AHNAK2: variants seen among roughly 807,000 people sequenced by gnomAD.
AHNAK2 encodes the protein protein AHNAK2.
Under a neutral mutation model 30.7 loss-of-function variants are expected in AHNAK2, and 18 were observed. The ratio of observed to expected loss-of-function variants is 0.59; its 90% confidence interval spans 0.41 to 0.87. The LOEUF (loss-of-function observed/expected upper bound fraction) is 0.87, where lower values mean the gene tolerates loss of function less well. AHNAK2 is among the 40% of genes least tolerant of loss of function. The probability of loss-of-function intolerance (pLI) is 0.00; values close to 1 mark genes in which losing one functional copy is unlikely to be tolerated. For missense variants in AHNAK2, 8,604 were observed against 7,373.0 expected (o/e 1.17, Z -6.11); for synonymous variants, 3,590 against 3,073.8 (o/e 1.17, Z -5.56).
Position 104,949,759 on chromosome 14 carries a change from C to T in AHNAK2, c.5692G>A (p.Glu1898Lys), listed in dbSNP as rs765079250. The T allele has an allele frequency of 2.0e-5, 31 of 1,587,650 alleles. 2 individuals carry two copies. The highest frequency in any genetic ancestry group is 1.7e-4 in the Middle Eastern group (1 of 6,044). The change falls in exon 7 of 7, where the codon GAG becomes AAG. Residue 1898 changes from glutamate to lysine, a missense_variant. By Grantham distance (56) the Glu-to-Lys change is moderately conservative. Transcript: ENST00000333244. ...AAGTGCCCTTTGAGGCCGGCTCCCT[C>T]GGGCACCTGGCCCTCCGGGAGCTTC... ...DMKLPEGQVPEGAGLKGHLPK... is the reference protein window; with the variant it reads ...DMKLPEGQVPKGAGLKGHLPK...
Position 104,943,540 on chromosome 14 carries a change from GCATT to G in AHNAK2, c.11907_11910del (p.Lys3969AsnfsTer24). On this transcript the variant is annotated frameshift_variant, in exon 7 of 7. Coordinates refer to ENST00000333244, the MANE Select transcript of AHNAK2 (RefSeq NM_138420.4). LOFTEE classifies it low-confidence loss of function (END_TRUNC). ...CCGAACGACGGCATCTTGAACTTGG[GCATT>G]TTGAACTTGCTGTCTTTGGCCGTCA... is the stretch of plus-strand genomic sequence containing the variant. 6.2e-7 allele frequency: 1 copy of G among 1,612,930 alleles called. No homozygotes were observed. Among genetic ancestry groups the G allele is most frequent in the Non-Finnish European group, 8.5e-7 (1 of 1,179,518 alleles).
intron 1 of AHNAK2, among the ~76,000 whole-genome samples, chr14:104,960,401 A>T (rs192971058): frequency 2.6e-5 from 4 of 152,308 alleles, no homozygotes; most frequent in South Asian, 2.1e-4. Flanking sequence ...TAGCATTTAC[A>T]TTGCATTAGG....
At chr14:104,968,977 C>T (rs1468593783) in intron 1 of AHNAK2, among the ~76,000 whole-genome samples, 2 of 152,210 alleles carry the variant, frequency 1.3e-5, no homozygotes, top group South Asian at 2.1e-4. Context: ...ACACAGCCGG[C>T]CGCACTTGGG....
rs1157087199 is a variant in AHNAK2 at position 104,950,437 on chromosome 14, C to T, written c.5014G>A (p.Ala1672Thr). The change falls in exon 7 of 7, where the codon GCC (alanine) becomes ACC (threonine). Residue 1672 changes from alanine to threonine, a missense_variant. Transcript: ENST00000333244. Reference sequence around the variant, plus strand: ...GAGGCCTCGATGGACTTGCCTGGGGCCGACACCCCAAATGATGGCATCTTG... The same window carrying T: ...GAGGCCTCGATGGACTTGCCTGGGGTCGACACCCCAAATGATGGCATCTTG... Reference protein sequence around the residue: ...KFKMPSFGVSAPGKSIEASVD... With the variant: ...KFKMPSFGVSTPGKSIEASVD... The T allele has an allele frequency of 1.3e-6, 2 of 1,586,698 alleles. No individual in the cohort carries two copies. Among genetic ancestry groups the T allele is most frequent in the Non-Finnish European group, 1.7e-6 (2 of 1,163,042 alleles).
At chr14:104,964,970 C>T (rs972392498) in intron 1 of AHNAK2, among the ~76,000 whole-genome samples, 1 of 152,212 alleles carries the variant, frequency 6.6e-6, no homozygotes, top group Non-Finnish European at 1.5e-5. Context: ...TTGTCCAACC[C>T]ACGGCCCACA....
intron 1 of AHNAK2, among the ~76,000 whole-genome samples, chr14:104,958,128 T>C (rs1030544968): frequency 3.9e-5 from 6 of 152,210 alleles, no homozygotes; most frequent in Admixed American, 2.0e-4. Flanking sequence ...AATGCTGGGT[T>C]TAATACAGAC....
chr14:104,970,274 C>T lies in AHNAK2; in HGVS notation c.55+7909G>A, dbSNP rs531497194. Among the ~76,000 whole-genome samples the T allele has an allele frequency of 7.4e-4, 113 of 152,278 alleles. 1 individual carries two copies. Among genetic ancestry groups the T allele is most frequent in the East Asian group, 5.0e-3 (26 of 5,164 alleles). ...TTCTCCCTGACATCCCTGCCCAGCC[C>T]GCTGGCCCTGGCTGGAGCCACGGTG... On this transcript the variant is annotated intron_variant, in intron 1 of 6. Coordinates refer to ENST00000333244, the MANE Select transcript of AHNAK2 (RefSeq NM_138420.4).
rs377311763 is a variant in AHNAK2 at position 104,950,610 on chromosome 14, G to A, written c.4841C>T (p.Ala1614Val). 75 of 1,586,974 alleles carry A rather than the reference G, an allele frequency of 4.7e-5. 7 individuals are homozygous for A. The African/African-American group carries it at 6.6e-4, about 14-fold the overall frequency. Reference sequence around the variant, plus strand: ...GGACAGAGACATCTTCACATCGGGGGCTGTCACTTCCACCTTGGGGCCTTT... The same window carrying A: ...GGACAGAGACATCTTCACATCGGGGACTGTCACTTCCACCTTGGGGCCTTT... Reference protein sequence around the residue: ...DLKGPKVEVTAPDVKMSLSSM... With the variant: ...DLKGPKVEVTVPDVKMSLSSM... The change falls in exon 7 of 7, where the codon GCC becomes GTC. Residue 1614 changes from alanine (A) to valine (V), a missense_variant. Transcript: ENST00000333244.
Position 104,945,229 on chromosome 14 carries a change from T to C in AHNAK2, c.10222A>G (p.Ser3408Gly), listed in dbSNP as rs146988875. ...SFKMPKVDLK[S>G]PQVDIKGPKL... ...GGGCCCTTGATGTCCACCTGGGGGC[T>C]CTTGAGGTCCACTTTGGGCATCTTG... The change falls in exon 7 of 7, where the codon AGC (serine) becomes GGC (glycine). Residue 3408 changes from serine to glycine, a missense_variant. Physicochemically the swap from Ser to Gly is moderately conservative, Grantham distance 56. Coordinates refer to ENST00000333244, the MANE Select transcript of AHNAK2 (RefSeq NM_138420.4). 1.7e-3 allele frequency: 2,685 copies of C among 1,604,428 alleles called. 7 individuals are homozygous for C. The highest frequency in any genetic ancestry group is 2.1e-3 in the Non-Finnish European group (2,454 of 1,176,256).
chr14:104,946,924 C>A lies in AHNAK2; in HGVS notation c.8527G>T (p.Val2843Leu), dbSNP rs199922115. 5 of 1,612,768 alleles carry A rather than the reference C, an allele frequency of 3.1e-6. No homozygotes were observed. The highest frequency in any genetic ancestry group is 1.7e-5 in the Admixed American group (1 of 59,892). ...EASVDVSELK[V>L]EADGSFPSMQ... Reference sequence around the variant, plus strand: ...GAGGGGAAGCTCCCGTCAGCTTCCACCTTCAGCTCAGACACATCCACCGAG... The same window carrying A: ...GAGGGGAAGCTCCCGTCAGCTTCCAACTTCAGCTCAGACACATCCACCGAG... The change falls in exon 7 of 7, where the codon GTG becomes TTG. Residue 2843 changes from valine to leucine, a missense_variant. Val to Leu is a conservative substitution (Grantham distance 32, BLOSUM62 1). Coordinates refer to ENST00000333244, the MANE Select transcript of AHNAK2 (RefSeq NM_138420.4).
Position 104,942,394 on chromosome 14 carries a change from C to A in AHNAK2, c.13057G>T (p.Ala4353Ser), listed in dbSNP as rs375501382. ...TGGCCAGCCTGGACCTCCAGATCAG[C>A]GGAAGGGGGCTGAATGCTGAGGTGA... is the stretch of plus-strand genomic sequence containing the variant. Reference protein sequence around the residue: ...TTHLSIQPPSADLEVQAGQED... With the variant: ...TTHLSIQPPSSDLEVQAGQED... Residue 4353 changes from alanine to serine, a missense_variant, in exon 7 of 7, where the codon GCT becomes TCT. Ala to Ser is a moderately conservative substitution (Grantham distance 99). Coordinates refer to ENST00000333244, the MANE Select transcript of AHNAK2 (RefSeq NM_138420.4). 3.1e-6 allele frequency: 5 copies of A among 1,612,908 alleles called. No homozygotes were observed. Among genetic ancestry groups the A allele is most frequent in the Non-Finnish European group, 4.2e-6 (5 of 1,179,620 alleles).
chr14:104,964,593 G>A (rs1032401445), intron 1 of AHNAK2, among the ~76,000 whole-genome samples: 8 of 152,182 alleles, frequency 5.3e-5, no homozygotes, highest in East Asian at 1.9e-4. Context: ...AAAAAAATGC[G>A]AGGTATTTGT....
At position 104,944,488 on chromosome 14, in the gene AHNAK2, TC is replaced by T. The variant is rs767893399; in HGVS notation, c.10962del (p.Lys3655SerfsTer18). The T allele has an allele frequency of 2.6e-5, 42 of 1,612,714 alleles. No homozygotes were observed. The highest frequency in any genetic ancestry group is 3.6e-5 in the Non-Finnish European group (42 of 1,179,522). ...ACATCCACCGAGGCCTCCATGGACT[TC>T]CCTGGGGCCGATACCCTGAATGACG... is the stretch of plus-strand genomic sequence containing the variant. ...KMPSFRVSAP[G>X]KSMEASVDVS... is the part of the protein sequence containing the mutation. On this transcript the variant is annotated frameshift_variant, in exon 7 of 7. Coordinates refer to ENST00000333244, the MANE Select transcript of AHNAK2 (RefSeq NM_138420.4). LOFTEE classifies it low-confidence loss of function (END_TRUNC).
chr14:104,942,220 T>C lies in AHNAK2; in HGVS notation c.13231A>G (p.Lys4411Glu), dbSNP rs1898023804. The C allele has an allele frequency of 6.2e-7, 1 of 1,613,114 alleles. No individual in the cohort carries two copies. The highest frequency in any genetic ancestry group is 1.1e-5 in the South Asian group (1 of 91,050). The part of the protein sequence containing the change: ...IDVNVPKLDL[K>E]GPKVEVTSPN... Reference sequence around the variant, plus strand: ...GACGTCACCTCCACCTTGGGGCCTTTCAGGTCCAGCTTGGGGACATTAACG... The same window carrying C: ...GACGTCACCTCCACCTTGGGGCCTTCCAGGTCCAGCTTGGGGACATTAACG... The change falls in exon 7 of 7, where the codon AAA becomes GAA. Residue 4411 changes from lysine to glutamate, a missense_variant. Physicochemically the swap from Lys to Glu is moderately conservative, Grantham distance 56. Transcript: ENST00000333244.
At position 104,966,812 on chromosome 14, in the gene AHNAK2, G is replaced by A. The variant is rs1899315951; in HGVS notation, c.56-9140C>T. Among the ~76,000 whole-genome samples, 1 of 152,242 alleles carries A rather than the reference G, an allele frequency of 6.6e-6. No homozygotes were observed. ...AAGGAAAGGGACAGGAATCTGGCCA[G>A]AGCCTGCCCACCGCTAAGCCAAGGG... is the stretch of plus-strand genomic sequence containing the variant. On this transcript the variant is annotated intron_variant, in intron 1 of 6. Coordinates refer to ENST00000333244, the MANE Select transcript of AHNAK2 (RefSeq NM_138420.4). The surrounding 1 kb of genome is among the most constrained non-coding windows in gnomAD (Gnocchi z 4.3).
Position 104,957,623 on chromosome 14 carries a change from ATCT to A in AHNAK2, c.102_104del (p.Glu34del). On this transcript the variant is annotated inframe_deletion, in exon 2 of 7. Coordinates refer to ENST00000333244, the MANE Select transcript of AHNAK2 (RefSeq NM_138420.4). ...TCCTGCTCTCACTTACAGAGTGGTC[ATCT>A]TCCGTTTCTGCACCTGGCTCCCCGG... 6.2e-7 allele frequency: 1 copy of A among 1,611,126 alleles called. No homozygotes were observed. Among genetic ancestry groups the A allele is most frequent in the Non-Finnish European group, 8.5e-7 (1 of 1,179,202 alleles).
rs574032771 is a variant in AHNAK2 at position 104,953,578 on chromosome 14, C to T, written c.1873G>A (p.Glu625Lys). ...AATCCTTCCTCTGTGCGTCTCTGTTCTCTTCTATCAGCTGTTGCTGTGGCC... is the reference window on the plus strand; with the variant it reads ...AATCCTTCCTCTGTGCGTCTCTGTTTTCTTCTATCAGCTGTTGCTGTGGCC... ...GEATATADRR[E>K]QRRTEEGLKD... Residue 625 changes from glutamate (E) to lysine (K), a missense_variant, in exon 7 of 7, where the codon GAA becomes AAA. Glu to Lys is a moderately conservative substitution (Grantham distance 56). Transcript: ENST00000333244. 4.8e-4 allele frequency: 768 copies of T among 1,613,958 alleles called. 13 individuals carry two copies. In the South Asian group the frequency reaches 7.8e-3, roughly 16 times the overall value.
In AHNAK2 at chr14:104,948,052, C is replaced by T. The variant is rs375542281; in HGVS notation, c.7399G>A (p.Gly2467Arg). The T allele has an allele frequency of 1.9e-6, 3 of 1,613,026 alleles. No homozygotes were observed. The highest frequency in any genetic ancestry group is 2.2e-5 in the East Asian group (1 of 44,830). Residue 2467 changes from glycine (G) to arginine (R), a missense_variant, in exon 7 of 7, where the codon GGG becomes AGG. Transcript: ENST00000333244. ...GAKLDGAWLE[G>R]DLSVADKDVT... ...TCCTTGTCCGCCACAGACAGGTCCC[C>T]CTCCAGCCACGCACCATCCAGCTTG...
At position 104,940,461 on chromosome 14, in the gene AHNAK2, G is replaced by A. The variant is rs762115099; in HGVS notation, c.14990C>T (p.Pro4997Leu). ...CAGATCCATGTGGATGGCAGACTGCGGGGCCACTTCATCCTTGTCTAAAAC... is the reference window on the plus strand; with the variant it reads ...CAGATCCATGTGGATGGCAGACTGCAGGGCCACTTCATCCTTGTCTAAAAC... ...SLVLDKDEVAPQSAIHMDLPP... is the reference protein window; with the variant it reads ...SLVLDKDEVALQSAIHMDLPP... Residue 4997 changes from proline to leucine, a missense_variant, in exon 7 of 7, where the codon CCG (proline) becomes CTG (leucine). Transcript: ENST00000333244. The surrounding 1 kb of genome is among the most constrained non-coding windows in gnomAD (Gnocchi z 4.4). The A allele has an allele frequency of 7.9e-5, 128 of 1,613,700 alleles. No individual in the cohort carries two copies. Among genetic ancestry groups the A allele is most frequent in the African/African-American group, 1.6e-4 (12 of 74,922 alleles).
Sources: gnomAD v4.1 joint callset for allele counts (sites outside exome capture counted in the v4.1 genomes callset) on GRCh38, gnomAD v4.1.1 for gene constraint, Gnocchi (gnomAD v3.1) non-coding constraint, MANE v1.5 for transcripts, NCBI Gene and HGNC (gene_info 2026-07-23, HGNC 2026-07-21) for gene names.